The following SHISA9 variants were observed in gnomAD, a reference collection of about 807,000 sequenced individuals.
SHISA9 encodes the protein protein shisa-9.
A neutral mutation model predicts 38.0 loss-of-function variants in SHISA9; 13 were observed. That is an observed-to-expected ratio of 0.34 (90% confidence interval 0.22 to 0.54). The LOEUF is 0.54. Among genes scored for constraint, SHISA9 ranks in the 20% least tolerant of loss-of-function variants. The pLI, the probability that SHISA9 is intolerant of heterozygous loss-of-function variation, is 0.91. For synonymous variants in SHISA9, 275 were observed against 242.0 expected (o/e 1.14, Z -1.27); for missense variants, 538 against 575.8 (o/e 0.93, Z 0.67).
rs1555470817 is a variant in SHISA9 at position 13,200,442 on chromosome 16, A to ACACACACACACACACAC, written c.692-2952_692-2951insCACACACACACACACAC. On this transcript the variant is annotated intron_variant, in intron 2 of 4. Coordinates refer to ENST00000558583, the MANE Select transcript of SHISA9 (RefSeq NM_001145204.3). ...CACACACACACACACACACACACAC[A>ACACACACACACACACAC]GCAGCAGCAGCAGCAGCAGCAGCAT... 2.8e-3 allele frequency among the ~76,000 whole-genome samples: 366 copies of ACACACACACACACACAC among 132,282 alleles called. 4 individuals carry two copies. The highest frequency in any genetic ancestry group is 1.0e-2 in the African/African-American group (343 of 34,458). 86.8% of individuals were successfully genotyped at this position (132,282 alleles called of 152,430 possible). A position where few individuals can be genotyped will look rare whatever the true frequency, so the allele number is the denominator to read the frequency against.
At chr16:13,025,669 C>T (rs1166721844) in intron 2 of SHISA9, among the ~76,000 whole-genome samples, 1 of 152,218 alleles carries the variant, frequency 6.6e-6, no homozygotes, top group Non-Finnish European at 1.5e-5. Context: ...TTGAGTGCCT[C>T]CTTGGCAATC....
intron 2 of SHISA9, among the ~76,000 whole-genome samples, chr16:13,103,856 A>T (rs1167885317): frequency 1.1e-4 from 16 of 152,190 alleles, no homozygotes. Context: ...TTGTGTCCAG[A>T]TGCTTACGAA....
At chr16:13,303,745 A>G in the SHISA9 span, among the ~76,000 whole-genome samples, 1 of 152,166 alleles carries the variant, frequency 6.6e-6, no homozygotes, top group Non-Finnish European at 1.5e-5. Context: ...TAATTTTGCT[A>G]TATGCATTTT....
At chr16:13,379,337 G>A in the SHISA9 span, among the ~76,000 whole-genome samples, 16 of 152,254 alleles carry the variant, frequency 1.1e-4, no homozygotes, top group Admixed American at 3.3e-4. Flanking sequence ...TGCTCTCTCT[G>A]ATGGTGATTA....
chr16:13,227,986 A>AT (rs1567257064), intron 4 of SHISA9, among the ~76,000 whole-genome samples: 1 of 152,230 alleles, frequency 6.6e-6, no homozygotes, highest in African/African-American at 2.4e-5. Flanking sequence ...GGGAATAGGT[A>AT]AAATATAGGT....
At chr16:13,419,577 A>C in the SHISA9 span, among the ~76,000 whole-genome samples, 275 of 152,346 alleles carry the variant, frequency 1.8e-3, 2 homozygotes, top group South Asian at 0.026. Flanking sequence ...AGATGTGGTT[A>C]TAAGAGAGGA....
chr16:13,115,208 G>A (rs1214682251), intron 2 of SHISA9, among the ~76,000 whole-genome samples: 1 of 152,124 alleles, frequency 6.6e-6, no homozygotes, highest in Non-Finnish European at 1.5e-5. Context: ...GACCAGCTTG[G>A]TCAGGGAGAC....
the SHISA9 span, among the ~76,000 whole-genome samples, chr16:13,548,284 T>C: frequency 0.035 from 5,251 of 152,196 alleles, 239 homozygotes; most frequent in African/African-American, 0.1. Context: ...GAAAACACTT[T>C]ACAACGTTGG....
At chr16:13,329,249 C>G in the SHISA9 span, among the ~76,000 whole-genome samples, 111 of 152,266 alleles carry the variant, frequency 7.3e-4, no homozygotes, top group African/African-American at 2.1e-3. Flanking sequence ...TTTTTCCTTT[C>G]CGGCGCCCCT....
At chr16:13,275,914 TTTTA>T in the SHISA9 span, among the ~76,000 whole-genome samples, 1 of 151,952 alleles carries the variant, frequency 6.6e-6, no homozygotes, top group Non-Finnish European at 1.5e-5. Flanking sequence ...TATTTTTTAT[TTTTA>T]AAAAAAATTA....
chr16:12,908,387 T>A, intron 1 of SHISA9: 1 of 1,520,780 alleles, frequency 6.6e-7, no homozygotes, highest in East Asian at 2.5e-5. Context: ...TTGGCCTAAG[T>A]GGTGTTGAAA....
At chr16:13,302,342 AG>A in the SHISA9 span, among the ~76,000 whole-genome samples, 1 of 152,170 alleles carries the variant, frequency 6.6e-6, no homozygotes, top group Admixed American at 6.5e-5. Flanking sequence ...AGAACCTCAA[AG>A]CCTCCCCTAT....
the SHISA9 span, among the ~76,000 whole-genome samples, chr16:13,316,348 G>C: frequency 5.9e-5 from 9 of 152,256 alleles, no homozygotes. Flanking sequence ...GATTCTGTGT[G>C]TAGGTTTCTG....
At chr16:13,415,845 A>G in the SHISA9 span, among the ~76,000 whole-genome samples, 1 of 152,150 alleles carries the variant, frequency 6.6e-6, no homozygotes, top group Non-Finnish European at 1.5e-5. Flanking sequence ...TGATTTGCTT[A>G]CAAGAGTAAA....
the SHISA9 span, among the ~76,000 whole-genome samples, chr16:13,493,647 T>C: frequency 6.6e-6 from 1 of 151,932 alleles, no homozygotes; most frequent in Non-Finnish European, 1.5e-5. Context: ...TGGTGGAGGA[T>C]GCAACAGAAA....
chr16:12,974,479 GTTTTT>G (rs58309847), intron 2 of SHISA9, among the ~76,000 whole-genome samples: 2,387 of 91,748 alleles, frequency 0.026, 36 homozygotes, highest in East Asian at 0.035. Context: ...ATTTCTGGTG[GTTTTT>G]TTTTTTTTTT....
chr16:13,032,949 C>G (rs111384733), intron 2 of SHISA9, among the ~76,000 whole-genome samples: 2 of 152,174 alleles, frequency 1.3e-5, no homozygotes, highest in Non-Finnish European at 2.9e-5. Flanking sequence ...GAACTCAAAC[C>G]ATGAGATGTT....
At chr16:12,913,127 G>A (rs1434692203) in intron 1 of SHISA9, among the ~76,000 whole-genome samples, 1 of 152,186 alleles carries the variant, frequency 6.6e-6, no homozygotes, top group East Asian at 1.9e-4. Context: ...AAAGTATAGT[G>A]TGCGATTCAA....
At chr16:12,970,326 CATATATATAT>C (rs61455008) in intron 2 of SHISA9, among the ~76,000 whole-genome samples, 3 of 73,624 alleles carry the variant, frequency 4.1e-5, no homozygotes, top group African/African-American at 1.7e-4. Context: ...GGTATATATA[CATATATATAT>C]ATATATACAT....
Sources: allele counts gnomAD v4.1 joint callset (sites outside exome capture counted in the v4.1 genomes callset), GRCh38; gene constraint gnomAD v4.1.1; transcripts MANE v1.5; gene names NCBI Gene and HGNC (gene_info 2026-07-23, HGNC 2026-07-21).